The following NBPF12 variants were observed in gnomAD, a reference collection of about 807,000 sequenced individuals.
NBPF12 encodes NBPF family member NBPF12.
Under a neutral mutation model 146.4 loss-of-function variants are expected in NBPF12, and 115 were observed. The ratio of observed to expected loss-of-function variants is 0.79; its 90% CI spans 0.68 to 0.92. The LOEUF is 0.92. Ranked by LOEUF, NBPF12 falls within the 40% of genes least tolerant of loss-of-function variation. The probability of loss-of-function intolerance (pLI) is 0.00; values close to 1 mark genes in which losing one functional copy is unlikely to be tolerated. For missense variants in NBPF12, 1,205 were observed against 1,326.8 expected (o/e 0.91, Z 1.43); for synonymous variants, 385 against 508.9 (o/e 0.76, Z 3.28).
intron 8 of NBPF12, among the ~76,000 whole-genome samples, chr1:146,965,849 C>G (rs1656167771): frequency 7.6e-6 from 1 of 131,414 alleles, no homozygotes; most frequent in African/African-American, 2.8e-5. Context: ...TGGCTCACAT[C>G]TTAATCCCAG....
Position 146,972,972 on chromosome 1 carries a change from A to G in NBPF12, c.1801+12A>G. 3 of 910,108 alleles carry G rather than the reference A, an allele frequency of 3.3e-6. No individual in the cohort carries two copies. The highest frequency in any genetic ancestry group is 3.4e-5 in the Admixed American group (2 of 59,128). The allele number at this position is 910,108 out of a possible 1,614,324, so 56.4% of individuals were successfully genotyped here. Reference sequence around the variant, plus strand: ...GCAGAACAAATACAGTAAGATCTATATGCTCACCATCATGAAAGTGATGAA... The same window carrying G: ...GCAGAACAAATACAGTAAGATCTATGTGCTCACCATCATGAAAGTGATGAA... On this transcript the variant is annotated intron_variant, in intron 14 of 33. Coordinates refer to ENST00000617844, the Ensembl canonical transcript of NBPF12.
At chr1:146,973,426 G>A (rs1257500171) in intron 14 of NBPF12, among the ~76,000 whole-genome samples, 15 of 151,446 alleles carry the variant, frequency 9.9e-5, no homozygotes, top group Admixed American at 2.6e-4. Flanking sequence ...GCCAGTACCC[G>A]CTCTGAGGGG....
chr1:146,992,462 CTGTG>C (rs1163182082), intron 31 of NBPF12, among the ~76,000 whole-genome samples: 3,382 of 65,646 alleles, frequency 0.052, 116 homozygotes, highest in African/African-American at 0.12. Context: ...CTCTCTCTCT[CTGTG>C]TGTGTGTGTG....
exon 34 of NBPF12, chr1:146,995,063 A>T (rs2101943045): frequency 6.0e-6 from 1 of 167,298 alleles, no homozygotes; most frequent in East Asian, 1.7e-4. Flanking sequence ...TGTATTTCAG[A>T]ACCACCAACT....
At chr1:146,970,745 T>C (rs1656548993) in intron 12 of NBPF12, 26 bp downstream of exon 15, 1 of 1,304,530 alleles carries the variant, frequency 7.7e-7, no homozygotes, top group Non-Finnish European at 1.1e-6. Flanking sequence ...CAGGAGCAAG[T>C]AATGGGTGTT....
intron 16 of NBPF12, among the ~76,000 whole-genome samples, chr1:146,976,218 G>C (rs1163830072): frequency 6.6e-6 from 1 of 151,746 alleles, no homozygotes; most frequent in African/African-American, 2.4e-5. Context: ...AAGAATGAAG[G>C]TTCCCAGGCT....
In NBPF12 at chr1:146,963,438, A is replaced by T. The variant is rs1285674651; in HGVS notation, c.493+129A>T. On this transcript the variant is annotated intron_variant, in intron 6 of 33. Transcript: ENST00000617844. ...ACTACACATATGTGGCCATGACATG[A>T]TCAGGACTTCCTGGGTAAGAACAGA... 3,123 of 1,586,350 alleles carry T rather than the reference A, an allele frequency of 2.0e-3. 51 individuals carry two copies. In the African/African-American group the frequency reaches 0.036, roughly 18 times the overall value.
At chr1:146,970,063 A>C (rs1229141416) in intron 11 of NBPF12, among the ~76,000 whole-genome samples, 1 of 148,888 alleles carries the variant, frequency 6.7e-6, no homozygotes, top group Admixed American at 6.7e-5. Context: ...ATATGGGAAC[A>C]CTTACGAATG....
At chr1:146,940,971 T>C (rs1654774567) in intron 1 of NBPF12, among the ~76,000 whole-genome samples, 1 of 152,120 alleles carries the variant, frequency 6.6e-6, no homozygotes, top group African/African-American at 2.4e-5. Flanking sequence ...TTGTAATACT[T>C]TATTCTGGAT....
At chr1:146,966,374 A>G in intron 8 of NBPF12, 90 bp from the exon 12 acceptor site, 2 of 1,116,074 alleles carry the variant, frequency 1.8e-6, no homozygotes, top group East Asian at 2.3e-5. Flanking sequence ...TAAGTACACA[A>G]GGCTGCCAGT....
At chr1:146,984,488 C>T (rs1403114249) in intron 21 of NBPF12, among the ~76,000 whole-genome samples, 2 of 150,748 alleles carry the variant, frequency 1.3e-5, no homozygotes, top group Non-Finnish European at 2.9e-5. Context: ...TTCATGATCA[C>T]TGTTCACTGT....
In NBPF12 at chr1:146,939,478, G is replaced by A. The variant is rs1476100845; in HGVS notation, c.-822+496G>A. Among the ~76,000 whole-genome samples, 1,084 of 152,076 alleles carry A rather than the reference G, an allele frequency of 7.1e-3. 7 individuals carry two copies. Among genetic ancestry groups the A allele is most frequent in the Non-Finnish European group, 0.013 (852 of 68,014 alleles). On this transcript the variant is annotated intron_variant, in intron 1 of 35. Coordinates refer to the NBPF12 transcript ENST00000617931. ...CAGGTCCAGGATGCATGTGAGGAGCGTTTGTAGCGATCACTGAATCACCTC... is the reference window on the plus strand; with the variant it reads ...CAGGTCCAGGATGCATGTGAGGAGCATTTGTAGCGATCACTGAATCACCTC...
intron 2 of NBPF12, among the ~76,000 whole-genome samples, chr1:146,956,639 G>C (rs1214948204): frequency 2.6e-5 from 4 of 151,690 alleles, no homozygotes; most frequent in Non-Finnish European, 5.9e-5. Flanking sequence ...CAATGAAGCA[G>C]GTACGAGGCC....
chr1:146,961,301 G>T (rs1194701712), intron 4 of NBPF12, among the ~76,000 whole-genome samples: 3 of 151,768 alleles, frequency 2.0e-5, no homozygotes, highest in East Asian at 1.9e-4. Flanking sequence ...GCAGTGCAGT[G>T]TGCAAAGCAG....
At chr1:146,940,102 G>C (rs1202754867) in intron 1 of NBPF12, among the ~76,000 whole-genome samples, 1 of 152,052 alleles carries the variant, frequency 6.6e-6, no homozygotes, top group Non-Finnish European at 1.5e-5. Flanking sequence ...GAAAACTGAT[G>C]TGCTGGTGGT....
chr1:146,970,700 C>T (rs1356740678), exon 12 of NBPF12: 7 of 1,381,132 alleles, frequency 5.1e-6, no homozygotes, highest in East Asian at 2.3e-5. Context: ...TGAGAAAGTG[C>T]TGGAATCATC....
Position 146,994,445 on chromosome 1 carries a change from A to C in NBPF12, c.4244A>C (p.Tyr1415Ser), listed in dbSNP as rs587616517. 2.5e-6 allele frequency: 4 copies of C among 1,611,844 alleles called. No homozygotes were observed. In the Admixed American group the frequency reaches 6.7e-5, roughly 27 times the overall value. The change falls in exon 34 of 34, where the codon TAC becomes TCC. Residue 1415 changes from tyrosine to serine, a missense_variant. Tyr to Ser is a moderately radical substitution (Grantham distance 144). This residue lies in a region of NBPF12 where 210 missense variants were observed against 94.4 expected (regional missense o/e 2.22). Coordinates refer to ENST00000617844, the Ensembl canonical transcript of NBPF12. ...GAACTACCTGACTCATTCCAGCACTACAGAAGTGTGTTTTACTCATTTGAG... is the reference window on the plus strand; with the variant it reads ...GAACTACCTGACTCATTCCAGCACTCCAGAAGTGTGTTTTACTCATTTGAG...
In NBPF12 at chr1:146,994,796, C is replaced by G. The variant is rs587649817; in HGVS notation, c.*221C>G. 267 of 834,576 alleles carry G rather than the reference C, an allele frequency of 3.2e-4. 7 individuals are homozygous for G. In the African/African-American group the frequency reaches 4.2e-3, roughly 13 times the overall value. 51.7% of individuals were successfully genotyped at this position (834,576 alleles called of 1,614,324 possible). A position where few individuals can be genotyped will look rare whatever the true frequency, so the allele number is the denominator to read the frequency against. Reference sequence around the variant, plus strand: ...GACACGTTCACATAACTGTGCAGCACATGCCGGGAGTGATCAGCCGGACAT... The same window carrying G: ...GACACGTTCACATAACTGTGCAGCAGATGCCGGGAGTGATCAGCCGGACAT... On this transcript the variant is annotated 3_prime_UTR_variant, in exon 34 of 34. Coordinates refer to ENST00000617844, the Ensembl canonical transcript of NBPF12.
Position 146,942,927 on chromosome 1 carries a change from G to A in NBPF12, c.-821-364G>A, listed in dbSNP as rs879914016. On this transcript the variant is annotated intron_variant, in intron 1 of 35. Coordinates refer to the NBPF12 transcript ENST00000617931. ...CCTGGCTACTCAAATATTTAGTCAGGACTCTATTTTTTCCCCCCAGGCTGG... is the reference window on the plus strand; with the variant it reads ...CCTGGCTACTCAAATATTTAGTCAGAACTCTATTTTTTCCCCCCAGGCTGG... Among the ~76,000 whole-genome samples, 130 of 137,124 alleles carry A rather than the reference G, an allele frequency of 9.5e-4. 4 individuals are homozygous for A. Among genetic ancestry groups the A allele is most frequent in the African/African-American group, 3.3e-3 (117 of 35,958 alleles). 90.0% of individuals were successfully genotyped at this position (137,124 alleles called of 152,430 possible). A position where few individuals can be genotyped will look rare whatever the true frequency, so the allele number is the denominator to read the frequency against.
Sources: gnomAD v4.1 joint callset for allele counts (sites outside exome capture counted in the v4.1 genomes callset) on GRCh38, gnomAD v4.1.1 for gene constraint, gnomAD v4.1.1 regional missense constraint, MANE v1.5 for transcripts, NCBI Gene and HGNC (gene_info 2026-07-23, HGNC 2026-07-21) for gene names.